Variants in ENOSF1 observed in about 807,000 individuals in gnomAD.
ENOSF1 encodes mitochondrial enolase superfamily member 1.
Under a neutral mutation model 68.2 loss-of-function variants are expected in ENOSF1, and 73 were observed. The observed-to-expected ratio is 1.07, with a 90% CI of 0.89 to 1.30. The LOEUF is 1.30. ENOSF1 is among the 50% of genes most tolerant of loss of function. ENOSF1 has a pLI of 0.00. For missense variants in ENOSF1, 589 were observed against 554.5 expected (o/e 1.06, Z -0.62); for synonymous variants, 223 against 210.4 (o/e 1.06, Z -0.52).
chr18:684,936 C>T (rs1236293583), intron 10 of ENOSF1, among the ~76,000 whole-genome samples: 1 of 152,064 alleles, frequency 6.6e-6, no homozygotes, highest in African/African-American at 2.4e-5. Context: ...TTGTAGCTCA[C>T]TGCAGCCTCC....
chr18:692,853 T>G, intron 5 of ENOSF1: 1 of 1,084,800 alleles, frequency 9.2e-7, no homozygotes, highest in Non-Finnish European at 1.1e-6. Flanking sequence ...AGAGACGATG[T>G]GACAGCCTCC....
intron 1 of ENOSF1, among the ~76,000 whole-genome samples, chr18:707,851 TTTATTA>T (rs142922567): frequency 7.3e-5 from 11 of 150,200 alleles, no homozygotes; most frequent in South Asian, 4.2e-4. Context: ...TAAATAATGT[TTTATTA>T]TTATTATTAT....
intron 1 of ENOSF1, chr18:707,652 A>G (rs1445654494): frequency 6.6e-6 from 1 of 152,230 alleles, no homozygotes; most frequent in Non-Finnish European, 1.5e-5. Flanking sequence ...AATTGTGCAT[A>G]AGGCTATGAA....
At chr18:683,077 G>T in intron 11 of ENOSF1, 169 bp downstream of exon 11, 1 of 769,776 alleles carries the variant, frequency 1.3e-6, no homozygotes, top group Non-Finnish European at 2.0e-6. Context: ...GTAGAAAAAG[G>T]AATGTCAGGT....
intron 2 of ENOSF1, among the ~76,000 whole-genome samples, chr18:703,599 G>A (rs2078607950): frequency 6.6e-6 from 1 of 152,176 alleles, no homozygotes; most frequent in Non-Finnish European, 1.5e-5. Context: ...TTTACTTAAT[G>A]GAGAAAAGCG....
At chr18:666,024 A>G (rs144089488), downstream of ENOSF1, among the ~76,000 whole-genome samples, 16 of 97,556 alleles carry the variant, frequency 1.6e-4, 5 homozygotes, top group East Asian at 6.3e-3. Context: ...GTAGATGTCT[A>G]TTAGGTCCGC....
chr18:711,352 G>C (rs906007083), intron 1 of ENOSF1, among the ~76,000 whole-genome samples: 1 of 152,104 alleles, frequency 6.6e-6, no homozygotes, highest in Admixed American at 6.5e-5. Context: ...ACACCAGCTT[G>C]CCATCCACCC....
chr18:677,545 A>G, intron 13 of ENOSF1, 101 bp from the exon 14 acceptor site: 1 of 1,238,764 alleles, frequency 8.1e-7, no homozygotes, highest in South Asian at 1.5e-5. Context: ...AGGTGATTAA[A>G]TCATTTATTA....
chr18:669,943 C>CA (rs1014825807), downstream of ENOSF1, among the ~76,000 whole-genome samples: 2 of 151,760 alleles, frequency 1.3e-5, no homozygotes, highest in Non-Finnish European at 2.9e-5. Flanking sequence ...GCCTGGGCAA[C>CA]AGAGTGAGAC....
In ENOSF1 at chr18:675,390, A is replaced by G. The variant is rs201727289; in HGVS notation, c.1161T>C (p.Tyr387=). The change falls in exon 15 of 16, where the codon TAT becomes TAC. Residue 387 remains tyrosine, a synonymous_variant. Transcript: ENST00000647584. ...SASLENRVCE[Y]VDHLHEHFKY... is the part of the protein sequence containing the mutation. The stretch of plus-strand genomic sequence containing the variant: ...TGAAATGCTCATGCAGGTGGTCAAC[A>G]TACTCACACACCCTAGGAGGAGGGA... 97 of 1,612,896 alleles carry G rather than the reference A, an allele frequency of 6.0e-5. No individual in the cohort carries two copies. In the African/African-American group the frequency reaches 1.2e-3, roughly 20 times the overall value.
intron 10 of ENOSF1, among the ~76,000 whole-genome samples, chr18:683,996 T>C (rs2076369819): frequency 6.9e-6 from 1 of 145,556 alleles, no homozygotes; most frequent in African/African-American, 2.6e-5. Context: ...TTCTTTTCTT[T>C]TTCTTTTTTT....
intron 10 of ENOSF1, among the ~76,000 whole-genome samples, chr18:683,969 G>T (rs1201868038): frequency 6.6e-6 from 1 of 151,370 alleles, no homozygotes; most frequent in East Asian, 1.9e-4. Context: ...CACTCTGGGA[G>T]GCTGAAGCCC....
chr18:690,574 C>A lies in ENOSF1; in HGVS notation c.593G>T (p.Gly198Val), dbSNP rs150240328. The A allele has an allele frequency of 1.2e-6, 2 of 1,614,058 alleles. No homozygotes were observed. Among genetic ancestry groups the A allele is most frequent in the African/African-American group, 2.7e-5 (2 of 74,936 alleles). ...CTGCTTCAACGTGTCATCTGAGTAC[C>A]CCAGCCAGGCGCACGATGTCGTGTA... ...PAYTTSCAWL[G>V]YSDDTLKQLC... The change falls in exon 8 of 16, where the codon GGG (glycine) becomes GTG (valine). Residue 198 changes from glycine to valine, a missense_variant. Gly to Val is a moderately radical substitution (Grantham distance 109). Coordinates refer to ENST00000647584, the MANE Select transcript of ENOSF1 (RefSeq NM_017512.7).
chr18:691,360 T>C, intron 5 of ENOSF1, 84 bp from the exon 6 acceptor site: 1 of 1,167,752 alleles, frequency 8.6e-7, no homozygotes, highest in Non-Finnish European at 1.2e-6. Context: ...TTATTCTTTT[T>C]TTAGAGACAA....
At chr18:682,426 C>A (rs1444285341) in intron 11 of ENOSF1, among the ~76,000 whole-genome samples, 1 of 152,146 alleles carries the variant, frequency 6.6e-6, no homozygotes, top group Non-Finnish European at 1.5e-5. Flanking sequence ...TACAACGTCA[C>A]TGGGCAATGA....
At chr18:667,992 A>ATTTT (rs60409589), downstream of ENOSF1, among the ~76,000 whole-genome samples, 1,098 of 105,354 alleles carry the variant, frequency 0.01, 28 homozygotes, top group Non-Finnish European at 0.013. Flanking sequence ...ATTCACAGGA[A>ATTTT]TTTTTTTTTT....
intron 2 of ENOSF1, among the ~76,000 whole-genome samples, chr18:699,119 T>G (rs1388101665): frequency 6.6e-6 from 1 of 152,148 alleles, no homozygotes; most frequent in Non-Finnish European, 1.5e-5. Context: ...CTCGGCCTCC[T>G]GAAGTGTTGG....
intron 9 of ENOSF1, chr18:686,737 A>G (rs1348707542): frequency 1.3e-5 from 2 of 152,314 alleles, no homozygotes; most frequent in African/African-American, 4.8e-5. Context: ...GGACACCACC[A>G]CGGGGAGGCC....
intron 2 of ENOSF1, among the ~76,000 whole-genome samples, chr18:705,945 G>A: frequency 6.6e-6 from 1 of 152,092 alleles, no homozygotes; most frequent in Middle Eastern, 3.2e-3. Context: ...GGAGGCAGAG[G>A]TTGCAGTGAG....
Sources: allele counts gnomAD v4.1 joint callset (sites outside exome capture counted in the v4.1 genomes callset), GRCh38; gene constraint gnomAD v4.1.1; transcripts MANE v1.5; gene names NCBI Gene and HGNC (gene_info 2026-07-23, HGNC 2026-07-21).